STAG1: variants seen among roughly 807,000 people sequenced by gnomAD.
The protein encoded by STAG1 is STAG1 cohesin complex component.
In STAG1, 26 loss-of-function variants were observed where a neutral mutation model predicts 170.9. The ratio of observed to expected loss-of-function variants is 0.15; its 90% confidence interval spans 0.11 to 0.21. STAG1 has a LOEUF of 0.21. STAG1 is among the 10% of genes least tolerant of loss of function. The probability of loss-of-function intolerance (pLI) is 1.00; values close to 1 mark genes in which losing one functional copy is unlikely to be tolerated. For missense variants in STAG1, 964 were observed against 1,509.5 expected (o/e 0.64, Z 5.99); for synonymous variants, 514 against 497.7 (o/e 1.03, Z -0.44).
At chr3:136,498,239 T>TATATATATATATATATAC (rs1933246029) in intron 9 of STAG1, among the ~76,000 whole-genome samples, 1 of 48,750 alleles carries the variant, frequency 2.1e-5, no homozygotes, top group African/African-American at 1.1e-4. Flanking sequence ...TATATACACA[T>TATATATATATATATATAC]ACATATACAT....
At chr3:136,552,867 G>A (rs1376305168) in intron 5 of STAG1, among the ~76,000 whole-genome samples, 2 of 152,106 alleles carry the variant, frequency 1.3e-5, no homozygotes, top group Non-Finnish European at 2.9e-5. Context: ...CACCTGCAAA[G>A]CAAATGCTAA....
intron 15 of STAG1, among the ~76,000 whole-genome samples, chr3:136,442,382 G>T (rs1389317730): frequency 6.6e-6 from 1 of 152,164 alleles, no homozygotes. Flanking sequence ...AGCATTTCTA[G>T]TTCTAACGAA....
intron 24 of STAG1, among the ~76,000 whole-genome samples, 186 bp downstream of exon 24, chr3:136,368,922 T>C (rs1201186561): frequency 1.3e-5 from 2 of 152,182 alleles, no homozygotes; most frequent in East Asian, 3.8e-4. Flanking sequence ...ACTTCTGGGT[T>C]TGGAGCAATC....
At chr3:136,471,836 T>C (rs1298408449) in intron 12 of STAG1, among the ~76,000 whole-genome samples, 8 of 152,192 alleles carry the variant, frequency 5.3e-5, no homozygotes, top group Non-Finnish European at 1.2e-4. Flanking sequence ...TCTTTCTCTC[T>C]GAGTTATTTA....
At chr3:136,522,272 G>C (rs1195750194) in intron 6 of STAG1, among the ~76,000 whole-genome samples, 2 of 152,218 alleles carry the variant, frequency 1.3e-5, no homozygotes, top group East Asian at 3.8e-4. Context: ...AAGAGAACTA[G>C]TGTGATATAC....
intron 1 of STAG1, among the ~76,000 whole-genome samples, chr3:136,676,932 G>T (rs889044328): frequency 6.6e-6 from 1 of 151,992 alleles, no homozygotes; most frequent in Non-Finnish European, 1.5e-5. Context: ...CCTACACAGG[G>T]TCAGGATCAT....
intron 3 of STAG1, among the ~76,000 whole-genome samples, chr3:136,604,851 T>C (rs1250530789): frequency 6.6e-6 from 1 of 152,154 alleles, no homozygotes; most frequent in Non-Finnish European, 1.5e-5. Context: ...AGTTTCACCA[T>C]GTTGGCCAGG....
chr3:136,551,204 A>AGAGAGAGAGT (rs1936370217), intron 5 of STAG1, among the ~76,000 whole-genome samples: 1 of 50,256 alleles, frequency 2.0e-5, no homozygotes, highest in Admixed American at 2.3e-4. Context: ...AGGTTGAGAG[A>AGAGAGAGAGT]GAGTGAGAGA....
At chr3:136,400,133 G>C (rs930705420) in intron 21 of STAG1, among the ~76,000 whole-genome samples, 1 of 152,096 alleles carries the variant, frequency 6.6e-6, no homozygotes, top group Non-Finnish European at 1.5e-5. Flanking sequence ...ATGATGCGCA[G>C]GCTGGTCTCA....
Position 136,521,199 on chromosome 3 carries a change from T to A in STAG1, c.676+14A>T, listed in dbSNP as rs755485671. 7 of 1,603,082 alleles carry A rather than the reference T, an allele frequency of 4.4e-6. No individual in the cohort carries two copies. In the Admixed American group the frequency reaches 1.2e-4, roughly 27 times the overall value. Reference sequence around the variant, plus strand: ...AAAACTAAATGAAAAGGAAATAAAATGTTAATTACTTACCAGCCAGGGTAC... The same window carrying A: ...AAAACTAAATGAAAAGGAAATAAAAAGTTAATTACTTACCAGCCAGGGTAC... On this transcript the variant is annotated intron_variant, in intron 7 of 33. Coordinates refer to ENST00000383202, the MANE Select transcript of STAG1 (RefSeq NM_005862.3).
chr3:136,578,484 C>T (rs1162505757), intron 4 of STAG1, among the ~76,000 whole-genome samples: 2 of 152,188 alleles, frequency 1.3e-5, no homozygotes, highest in Non-Finnish European at 1.5e-5. Flanking sequence ...AGTCTCCAGA[C>T]CTGTCTCAGT....
chr3:136,749,744 C>CAAA (rs895920877), intron 1 of STAG1, among the ~76,000 whole-genome samples: 2 of 87,184 alleles, frequency 2.3e-5, no homozygotes, highest in Admixed American at 1.3e-4. Flanking sequence ...GACTCCATCT[C>CAAA]AAAAAAAAAA....
chr3:136,613,913 G>A (rs1939444412), intron 3 of STAG1, among the ~76,000 whole-genome samples: 1 of 152,068 alleles, frequency 6.6e-6, no homozygotes, highest in South Asian at 2.1e-4. Flanking sequence ...CCCAAACATG[G>A]CTTTCAAAGA....
chr3:136,691,654 C>G (rs754067821), intron 1 of STAG1, among the ~76,000 whole-genome samples: 2 of 152,178 alleles, frequency 1.3e-5, no homozygotes, highest in Non-Finnish European at 2.9e-5. Context: ...ATCCATTCAG[C>G]GTCCAAATGT....
intron 7 of STAG1, among the ~76,000 whole-genome samples, chr3:136,513,407 A>G (rs1449995616): frequency 6.6e-6 from 1 of 152,144 alleles, no homozygotes; most frequent in African/African-American, 2.4e-5. Context: ...AGAAATGTAA[A>G]AGGATACTCA....
At chr3:136,571,547 T>G (rs1010288820) in intron 4 of STAG1, among the ~76,000 whole-genome samples, 1 of 151,740 alleles carries the variant, frequency 6.6e-6, no homozygotes, top group African/African-American at 2.4e-5. Flanking sequence ...CCAGTCTGAG[T>G]GACAGGGCGA....
intron 25 of STAG1, among the ~76,000 whole-genome samples, chr3:136,364,243 C>T (rs145762521): frequency 1.2e-4 from 18 of 151,192 alleles, no homozygotes; most frequent in African/African-American, 3.6e-4. Context: ...CCACCATGAT[C>T]GGGTAATTTT....
At chr3:136,503,982 C>A (rs1396599820) in intron 7 of STAG1, among the ~76,000 whole-genome samples, 1 of 152,122 alleles carries the variant, frequency 6.6e-6, no homozygotes, top group African/African-American at 2.4e-5. Flanking sequence ...GGTGATCCGC[C>A]CACCTTGGCC....
intron 16 of STAG1, among the ~76,000 whole-genome samples, chr3:136,423,741 T>C (rs1273510713): frequency 2.0e-5 from 3 of 152,214 alleles, no homozygotes; most frequent in East Asian, 3.8e-4. Context: ...TAATGTCAAA[T>C]GGTTTTACGG....
Sources: gnomAD v4.1 joint callset for allele counts (sites outside exome capture counted in the v4.1 genomes callset) on GRCh38, gnomAD v4.1.1 for gene constraint, MANE v1.5 for transcripts, NCBI Gene and HGNC (gene_info 2026-07-23, HGNC 2026-07-21) for gene names.